ADAMTS3: variants seen among roughly 807,000 people sequenced by gnomAD.
ADAMTS3 encodes the protein A disintegrin and metalloproteinase with thrombospondin motifs 3.
A neutral mutation model predicts 129.0 loss-of-function variants in ADAMTS3; 73 were observed. The observed-to-expected ratio is 0.57, with a 90% confidence interval of 0.47 to 0.69. The LOEUF (loss-of-function observed/expected upper bound fraction) is 0.69. ADAMTS3 is among the 30% of genes least tolerant of loss of function. The pLI, the probability that ADAMTS3 is intolerant of heterozygous loss-of-function variation, is 0.00. For synonymous variants in ADAMTS3, 477 were observed against 510.8 expected, an observed-to-expected ratio of 0.93 and a Z score of 0.89; for missense variants, 1,457 against 1,514.5, an observed-to-expected ratio of 0.96 and a Z score of 0.63.
intron 4 of ADAMTS3, among the ~76,000 whole-genome samples, chr4:72,406,996 G>A (rs1022689539): frequency 1.3e-5 from 2 of 151,988 alleles, no homozygotes; most frequent in South Asian, 2.1e-4. Context: ...CCACACAAAC[G>A]CTTCTACTGA....
chr4:72,555,967 T>C (rs1399122238), intron 2 of ADAMTS3, among the ~76,000 whole-genome samples: 1 of 151,748 alleles, frequency 6.6e-6, no homozygotes, highest in African/African-American at 2.4e-5. Context: ...ATGCCTCCTG[T>C]ATAGCCTATG....
At chr4:72,311,017 G>A in intron 14 of ADAMTS3, 31 bp downstream of exon 14, 1 of 1,552,416 alleles carries the variant, frequency 6.4e-7, no homozygotes, top group Non-Finnish European at 8.7e-7. Context: ...AGATAACGTA[G>A]AAAGCCTTTG....
intron 2 of ADAMTS3, among the ~76,000 whole-genome samples, chr4:72,550,283 A>G (rs1721614372): frequency 6.6e-6 from 1 of 152,048 alleles, no homozygotes; most frequent in Non-Finnish European, 1.5e-5. Context: ...TAATGTATTT[A>G]GAGCATGAGA....
chr4:72,298,038 A>G (rs1402873351), intron 18 of ADAMTS3, among the ~76,000 whole-genome samples: 2 of 152,134 alleles, frequency 1.3e-5, no homozygotes, highest in Admixed American at 1.3e-4. Flanking sequence ...CAGTAAATGC[A>G]AGACAAAGGA....
chr4:72,482,433 G>T (rs950210308), intron 3 of ADAMTS3, among the ~76,000 whole-genome samples: 2 of 151,872 alleles, frequency 1.3e-5, no homozygotes, highest in Non-Finnish European at 2.9e-5. Flanking sequence ...ATACTATATA[G>T]TACCATTTAC....
chr4:72,527,621 T>A (rs1261363335), intron 3 of ADAMTS3, among the ~76,000 whole-genome samples: 1 of 152,054 alleles, frequency 6.6e-6, no homozygotes, highest in African/African-American at 2.4e-5. Context: ...AATAAAAGAA[T>A]CCTGGAAGTT....
In ADAMTS3 at chr4:72,282,228, A is replaced by C. The variant is rs1031656460; in HGVS notation, c.*908T>G. The C allele has an allele frequency of 6.6e-6, 1 of 152,142 alleles. No homozygotes were observed. Among genetic ancestry groups the C allele is most frequent in the Non-Finnish European group, 1.5e-5 (1 of 68,020 alleles). 9.4% of individuals were successfully genotyped at this position (152,142 alleles called of 1,614,324 possible). A position where few individuals can be genotyped will look rare whatever the true frequency, so the allele number is the denominator to read the frequency against. ...AATTAAAAAAGAACACACACACACA[A>C]AAACAAAGGACACCTCAACGGTGCC... On this transcript the variant is annotated 3_prime_UTR_variant, in exon 22 of 22. Coordinates refer to ENST00000286657, the MANE Select transcript of ADAMTS3 (RefSeq NM_014243.3).
At chr4:72,394,596 T>C (rs73824593) in intron 4 of ADAMTS3, among the ~76,000 whole-genome samples, 5,032 of 152,314 alleles carry the variant, frequency 0.033, 286 homozygotes, top group African/African-American at 0.12. Context: ...TTCTGCAGCA[T>C]ACATTTCCTA....
Position 72,569,172 on chromosome 4 carries a change from A to T in ADAMTS3, c.-410T>A, listed in dbSNP as rs2109815258. 5.3e-6 allele frequency: 1 copy of T among 187,906 alleles called. No homozygotes were observed. The highest frequency in any genetic ancestry group is 1.4e-4 in the South Asian group (1 of 7,258). 11.6% of individuals were successfully genotyped at this position (187,906 alleles called of 1,614,324 possible). On this transcript the variant is annotated 5_prime_UTR_variant, in exon 1 of 22. Coordinates refer to ENST00000286657, the MANE Select transcript of ADAMTS3 (RefSeq NM_014243.3). ...ATGCTTGGGTTCCCCGGAGCACAGC[A>T]GGGGGAAGTATTAGCGAGAGAGACG...
chr4:72,479,943 A>G (rs2110004319), intron 3 of ADAMTS3, among the ~76,000 whole-genome samples: 1 of 152,276 alleles, frequency 6.6e-6, no homozygotes, highest in Non-Finnish European at 1.5e-5. Context: ...CACATGAAAA[A>G]ATGCTCATCA....
At chr4:72,484,820 T>C (rs1719536689) in intron 3 of ADAMTS3, among the ~76,000 whole-genome samples, 1 of 152,166 alleles carries the variant, frequency 6.6e-6, no homozygotes, top group African/African-American at 2.4e-5. Flanking sequence ...CCAATTCTGG[T>C]TGTAGATCAC....
At chr4:72,440,304 T>C (rs1718078505) in intron 3 of ADAMTS3, among the ~76,000 whole-genome samples, 1 of 151,824 alleles carries the variant, frequency 6.6e-6, no homozygotes, top group Admixed American at 6.6e-5. Context: ...AAGATATGTT[T>C]ATTGTGGATA....
chr4:72,466,237 C>T (rs1480159495), intron 3 of ADAMTS3, among the ~76,000 whole-genome samples: 5 of 151,950 alleles, frequency 3.3e-5, no homozygotes, highest in Non-Finnish European at 5.9e-5. Flanking sequence ...CTGTTCAGCT[C>T]GTGGCTGGCA....
At chr4:72,367,502 ACTT>A (rs1469062175) in intron 4 of ADAMTS3, among the ~76,000 whole-genome samples, 1 of 152,192 alleles carries the variant, frequency 6.6e-6, no homozygotes, top group Non-Finnish European at 1.5e-5. Context: ...TATAAAAAGT[ACTT>A]ATTATTTCCC....
rs7687171 is a variant in ADAMTS3, at chr4:72,313,593, T to C, written c.1745+84A>G. On this transcript the variant is annotated intron_variant, in intron 12 of 21. Coordinates refer to ENST00000286657, the MANE Select transcript of ADAMTS3 (RefSeq NM_014243.3). ...TCCTGCCCTGTGTTTTACATGCACTTTATAAAACAGAATACTAATAACATA... is the reference window on the plus strand; with the variant it reads ...TCCTGCCCTGTGTTTTACATGCACTCTATAAAACAGAATACTAATAACATA... 9.2e-3 allele frequency: 13,204 copies of C among 1,438,612 alleles called. 939 individuals are homozygous for C. In the African/African-American group the frequency reaches 0.16, roughly 17 times the overall value. 89.1% of individuals were successfully genotyped at this position (1,438,612 alleles called of 1,614,324 possible).
At chr4:72,491,814 G>A (rs749145801) in intron 3 of ADAMTS3, among the ~76,000 whole-genome samples, 27 of 151,608 alleles carry the variant, frequency 1.8e-4, no homozygotes, top group African/African-American at 5.8e-4. Context: ...CCTTTTCTTC[G>A]ATTTTCTGGA....
intron 4 of ADAMTS3, among the ~76,000 whole-genome samples, chr4:72,412,559 T>C (rs1453126550): frequency 6.6e-6 from 1 of 152,028 alleles, no homozygotes; most frequent in African/African-American, 2.4e-5. Context: ...ACTTCTAACA[T>C]ATATGGTTAC....
chr4:72,560,616 A>G (rs1483295728), intron 2 of ADAMTS3, among the ~76,000 whole-genome samples: 1 of 152,194 alleles, frequency 6.6e-6, no homozygotes, highest in Non-Finnish European at 1.5e-5. Flanking sequence ...GTTCTCACTC[A>G]TAAGTGGGAG....
chr4:72,376,396 C>T (rs974231096), intron 4 of ADAMTS3, among the ~76,000 whole-genome samples: 4 of 152,120 alleles, frequency 2.6e-5, no homozygotes, highest in Non-Finnish European at 5.9e-5. Context: ...ACAGACTACA[C>T]ACAATTGTTC....
Sources: allele counts gnomAD v4.1 joint callset (sites outside exome capture counted in the v4.1 genomes callset), GRCh38; gene constraint gnomAD v4.1.1; transcripts MANE v1.5; gene names NCBI Gene and HGNC (gene_info 2026-07-23, HGNC 2026-07-21).